The following OSBPL8 variants were observed in gnomAD, a reference collection of about 807,000 sequenced individuals.
OSBPL8 encodes the protein oxysterol binding protein like 8, also known as oxysterol-binding protein-related protein 8.
In OSBPL8, 59 loss-of-function variants were observed where a neutral mutation model predicts 125.5. That is an observed-to-expected ratio of 0.47 (90% confidence interval 0.38 to 0.58). OSBPL8 has a LOEUF of 0.58. Ranked by LOEUF, OSBPL8 falls within the 20% of genes least tolerant of loss-of-function variation. The probability of loss-of-function intolerance (pLI) is 0.00; values close to 1 mark genes in which losing one functional copy is unlikely to be tolerated. For synonymous variants in OSBPL8, 330 were observed against 338.9 expected (o/e 0.97, Z 0.29); for missense variants, 758 against 1,047.8 (o/e 0.72, Z 3.82).
At chr12:76,500,756 G>C (rs1879818056) in intron 1 of OSBPL8, among the ~76,000 whole-genome samples, 1 of 151,630 alleles carries the variant, frequency 6.6e-6, no homozygotes, top group Admixed American at 6.6e-5. Flanking sequence ...ACCAGGGTAA[G>C]AGAAAAAAAG....
chr12:76,406,903 G>A (rs1954283727), intron 5 of OSBPL8, among the ~76,000 whole-genome samples: 1 of 152,136 alleles, frequency 6.6e-6, no homozygotes, highest in South Asian at 2.1e-4. Context: ...ATAAGCCACT[G>A]TGCCCAGCTC....
rs55664405 is a variant in OSBPL8 at position 76,371,223 on chromosome 12, T to C, written c.2054+225A>G. On this transcript the variant is annotated intron_variant, in intron 19 of 23. Coordinates refer to ENST00000261183, the MANE Select transcript of OSBPL8 (RefSeq NM_020841.5). ...CTTTTTTTTTAAGGTGCTGGAACAATTGAGAAAGAAAAAAATGAGTAGTTT... is the reference window on the plus strand; with the variant it reads ...CTTTTTTTTTAAGGTGCTGGAACAACTGAGAAAGAAAAAAATGAGTAGTTT... 3,428 of 378,912 alleles carry C rather than the reference T, an allele frequency of 9.0e-3. 71 individuals are homozygous for C. Among genetic ancestry groups the C allele is most frequent in the African/African-American group, 0.053 (2,523 of 48,006 alleles). 23.5% of individuals were successfully genotyped at this position (378,912 alleles called of 1,614,324 possible).
chr12:76,356,162 T>TGGGGGGTGGTTTTGTGGGGGGGGG, intron 23 of OSBPL8, 141 bp from the exon 24 acceptor site: 1 of 131,274 alleles, frequency 7.6e-6, no homozygotes, highest in Non-Finnish European at 1.6e-5. Context: ...TATGTAGGGG[T>TGGGGGGTGGTTTTGTGGGGGGGGG]GGGGGGGGGC....
intron 4 of OSBPL8, among the ~76,000 whole-genome samples, chr12:76,434,616 T>G (rs1161011913): frequency 1.3e-5 from 2 of 152,112 alleles, no homozygotes; most frequent in African/African-American, 4.8e-5. Flanking sequence ...ATGGGGCTAA[T>G]ATACAAAATA....
chr12:76,508,296 T>C (rs890919045), intron 1 of OSBPL8, among the ~76,000 whole-genome samples: 4 of 152,016 alleles, frequency 2.6e-5, no homozygotes, highest in African/African-American at 9.7e-5. Context: ...CTGGTTTAGC[T>C]AGTCTGAACT....
chr12:76,548,800 G>C (rs1342676804), intron 1 of OSBPL8, among the ~76,000 whole-genome samples: 2 of 152,018 alleles, frequency 1.3e-5, no homozygotes, highest in East Asian at 3.9e-4. Flanking sequence ...GGGGAGGGAG[G>C]GTGACCAGGA....
chr12:76,428,631 A>C (rs1870442928), intron 4 of OSBPL8, among the ~76,000 whole-genome samples: 1 of 152,100 alleles, frequency 6.6e-6, no homozygotes, highest in African/African-American at 2.4e-5. Context: ...AGTTCGAGAA[A>C]GATCAAAACA....
chr12:76,526,720 G>A (rs1413418862), intron 1 of OSBPL8, among the ~76,000 whole-genome samples: 3 of 133,922 alleles, frequency 2.2e-5, no homozygotes, highest in Non-Finnish European at 3.1e-5. Context: ...GTGCGATCTC[G>A]GCTCACCACA....
intron 2 of OSBPL8, among the ~76,000 whole-genome samples, chr12:76,477,034 T>A (rs1876893172): frequency 6.6e-6 from 1 of 151,798 alleles, no homozygotes; most frequent in African/African-American, 2.4e-5. Flanking sequence ...AAAGCCAGAG[T>A]TTATCTTGGT....
At chr12:76,553,336 C>G (rs1005093339) in intron 1 of OSBPL8, among the ~76,000 whole-genome samples, 3 of 152,030 alleles carry the variant, frequency 2.0e-5, no homozygotes, top group African/African-American at 7.3e-5. Flanking sequence ...CTCAACAGGA[C>G]AGATTTCAAC....
intron 4 of OSBPL8, among the ~76,000 whole-genome samples, chr12:76,438,729 A>T (rs1218254509): frequency 2.0e-5 from 3 of 152,164 alleles, no homozygotes; most frequent in Non-Finnish European, 4.4e-5. Flanking sequence ...TATTAGTAGG[A>T]TGATAACAGT....
At chr12:76,456,873 C>A (rs1874114629) in intron 3 of OSBPL8, among the ~76,000 whole-genome samples, 1 of 152,116 alleles carries the variant, frequency 6.6e-6, no homozygotes, top group Non-Finnish European at 1.5e-5. Flanking sequence ...CAAGATGAAT[C>A]ATCAGTTTGA....
intron 4 of OSBPL8, among the ~76,000 whole-genome samples, chr12:76,450,061 A>G (rs1261983566): frequency 6.6e-6 from 1 of 152,200 alleles, no homozygotes; most frequent in Non-Finnish European, 1.5e-5. Context: ...ACAAAAATGC[A>G]GGTGTCTTTT....
chr12:76,441,929 T>C lies in OSBPL8; in HGVS notation c.217+8922A>G, dbSNP rs577426995. On this transcript the variant is annotated intron_variant, in intron 4 of 23. Transcript: ENST00000261183. The stretch of plus-strand genomic sequence containing the variant: ...ATTTAATTGTACATTTTAAAGTAAC[T>C]AAAACAGTATAATTGATTGTCTGTA... Among the ~76,000 whole-genome samples, 436 of 152,254 alleles carry C rather than the reference T, an allele frequency of 2.9e-3. 1 individual carries two copies. The highest frequency in any genetic ancestry group is 0.01 in the African/African-American group (421 of 41,574).
chr12:76,510,770 A>G (rs926850432), intron 1 of OSBPL8, among the ~76,000 whole-genome samples: 4 of 151,564 alleles, frequency 2.6e-5, no homozygotes, highest in Non-Finnish European at 5.9e-5. Flanking sequence ...AATCCCAGCT[A>G]CTCGTGAGGC....
intron 3 of OSBPL8, among the ~76,000 whole-genome samples, chr12:76,459,454 T>C (rs986890918): frequency 6.6e-6 from 1 of 152,204 alleles, no homozygotes; most frequent in Non-Finnish European, 1.5e-5. Flanking sequence ...AAAACAATTT[T>C]CGTAATCAAA....
intron 1 of OSBPL8, among the ~76,000 whole-genome samples, chr12:76,534,559 A>T (rs1448203169): frequency 6.6e-6 from 1 of 152,164 alleles, no homozygotes. Context: ...TAATATATAC[A>T]ATATCTGCAT....
intron 14 of OSBPL8, 26 bp from the exon 15 acceptor site, chr12:76,384,376 T>A (rs775134701): frequency 4.2e-6 from 5 of 1,177,798 alleles, no homozygotes; most frequent in African/African-American, 1.5e-5. Context: ...AAAACATGCA[T>A]ATATAAAATA....
At chr12:76,490,497 CG>C (rs1878602672) in intron 1 of OSBPL8, among the ~76,000 whole-genome samples, 1 of 152,212 alleles carries the variant, frequency 6.6e-6, no homozygotes, top group Admixed American at 6.5e-5. Flanking sequence ...AGCCTGATGG[CG>C]TAACTTCAGA....
Sources: gnomAD v4.1 joint callset for allele counts (sites outside exome capture counted in the v4.1 genomes callset) on GRCh38, gnomAD v4.1.1 for gene constraint, MANE v1.5 for transcripts, NCBI Gene and HGNC (gene_info 2026-07-23, HGNC 2026-07-21) for gene names.